The following FMN2 variants were observed in gnomAD, a reference collection of about 807,000 sequenced individuals.
FMN2 encodes formin 2, also known as formin-2.
FMN2 carries 51 observed loss-of-function variants against 142.3 expected under a neutral mutation model. The ratio of observed to expected loss-of-function variants is 0.36; its 90% CI spans 0.29 to 0.45. FMN2 has a LOEUF of 0.45. Among genes scored for constraint, FMN2 ranks in the 20% least tolerant of loss-of-function variants. The pLI is 1.00. For missense variants in FMN2, 1,936 were observed against 2,122.8 expected, an observed-to-expected ratio of 0.91 and a Z score of 1.73; for synonymous variants, 882 against 869.8, an observed-to-expected ratio of 1.01 and a Z score of -0.25.
intron 16 of FMN2, among the ~76,000 whole-genome samples, chr1:240,461,214 T>C (rs1236391353): frequency 6.6e-6 from 1 of 152,242 alleles, no homozygotes; most frequent in Non-Finnish European, 1.5e-5. Flanking sequence ...GTGTCTGGAC[T>C]TGAACTACTA....
chr1:240,343,762 A>G (rs1671815487), intron 13 of FMN2, among the ~76,000 whole-genome samples: 1 of 152,218 alleles, frequency 6.6e-6, no homozygotes, highest in African/African-American at 2.4e-5. Flanking sequence ...CATGATTCAA[A>G]TACTGGCTGA....
At chr1:240,381,847 C>A (rs1444195765) in intron 14 of FMN2, among the ~76,000 whole-genome samples, 2 of 152,204 alleles carry the variant, frequency 1.3e-5, no homozygotes, top group African/African-American at 4.8e-5. Context: ...CCATTTACAA[C>A]AGACTCCCAG....
At chr1:240,409,911 A>G (rs1468029913) in intron 15 of FMN2, among the ~76,000 whole-genome samples, 1 of 152,216 alleles carries the variant, frequency 6.6e-6, no homozygotes. Context: ...GGACATGTAT[A>G]TCTAAGTAAT....
chr1:240,276,939 T>G (rs528658508), intron 7 of FMN2, among the ~76,000 whole-genome samples: 357 of 152,318 alleles, frequency 2.3e-3, no homozygotes, highest in Non-Finnish European at 4.0e-3. Context: ...ACTAGTTCAC[T>G]GGGGAAATTG....
intron 4 of FMN2, among the ~76,000 whole-genome samples, chr1:240,204,166 C>G (rs1666237261): frequency 6.6e-6 from 1 of 151,756 alleles, no homozygotes; most frequent in African/African-American, 2.4e-5. Flanking sequence ...TTAAGGAAAT[C>G]AACCCTTTGT....
At chr1:240,391,254 CAA>C (rs955134874) in intron 14 of FMN2, among the ~76,000 whole-genome samples, 4 of 152,116 alleles carry the variant, frequency 2.6e-5, no homozygotes, top group South Asian at 2.1e-4. Context: ...AAAATCCTGG[CAA>C]AGAGTGGCAA....
chr1:240,288,304 G>A (rs75976829), intron 7 of FMN2, among the ~76,000 whole-genome samples: 1 of 152,216 alleles, frequency 6.6e-6, no homozygotes, highest in Non-Finnish European at 1.5e-5. Context: ...GAAATGATGA[G>A]GTTTAGCTGA....
At chr1:240,374,442 C>T (rs958385078) in intron 14 of FMN2, among the ~76,000 whole-genome samples, 4 of 152,206 alleles carry the variant, frequency 2.6e-5, no homozygotes, top group African/African-American at 9.6e-5. Context: ...AGTGTAGCCA[C>T]CTTCGTCGAT....
At chr1:240,154,439 G>C (rs1204071681) in intron 2 of FMN2, among the ~76,000 whole-genome samples, 1 of 152,132 alleles carries the variant, frequency 6.6e-6, no homozygotes, top group Non-Finnish European at 1.5e-5. Flanking sequence ...CCTGGTTTCT[G>C]CCTCAGAGAT....
chr1:240,433,771 CT>C lies in FMN2; in HGVS notation c.4911-4289del, dbSNP rs113839605. On this transcript the variant is annotated intron_variant, in intron 15 of 17. Transcript: ENST00000319653. ...AGGAGAGATTTCCTGTTGCTTCCCT[CT>C]GCTTCCTCCTATACAGATGATGTTA... 3.5e-4 allele frequency among the ~76,000 whole-genome samples: 53 copies of C among 152,342 alleles called. 1 individual carries two copies. The highest frequency in any genetic ancestry group is 1.3e-3 in the African/African-American group (52 of 41,570).
intron 2 of FMN2, among the ~76,000 whole-genome samples, chr1:240,135,458 C>T (rs1445593931): frequency 5.9e-5 from 9 of 152,038 alleles, no homozygotes; most frequent in African/African-American, 2.2e-4. Context: ...AGTTCCTACT[C>T]GATTTCTTTC....
Position 240,208,618 on chromosome 1 carries a change from G to A in FMN2, c.3806G>A (p.Ser1269Asn). 6.2e-7 allele frequency: 1 copy of A among 1,613,920 alleles called. No homozygotes were observed. The highest frequency in any genetic ancestry group is 1.7e-5 in the Admixed American group (1 of 60,004). Residue 1269 changes from serine to asparagine, a missense_variant, in exon 5 of 18, where the codon AGT becomes AAT. Around this residue, in one of 8 missense-constraint regions of FMN2, gnomAD observed 259 missense variants for 230.9 expected, o/e 1.12. Coordinates refer to ENST00000319653, the MANE Select transcript of FMN2 (RefSeq NM_020066.5). ...VCGFLPPPLP[S>N]GLFGLGMNQD... ...GGATTTCTTCCTCCTCCATTGCCAA[G>A]TGGCTTGTTTGGATTAGGGATGAAT...
At chr1:240,244,206 A>G (rs554367916) in intron 6 of FMN2, among the ~76,000 whole-genome samples, 2 of 152,314 alleles carry the variant, frequency 1.3e-5, no homozygotes, top group African/African-American at 4.8e-5. Flanking sequence ...AGAAAGCAAT[A>G]TGCTCTTTTA....
intron 6 of FMN2, among the ~76,000 whole-genome samples, chr1:240,228,334 A>AAAAG (rs1667411344): frequency 5.5e-5 from 4 of 73,018 alleles, no homozygotes; most frequent in South Asian, 4.5e-4. Context: ...AAAAAAAAAG[A>AAAAG]AAAAGAAAAA....
At chr1:240,292,375 C>G (rs1487235691) in intron 7 of FMN2, among the ~76,000 whole-genome samples, 1 of 152,198 alleles carries the variant, frequency 6.6e-6, no homozygotes, top group Admixed American at 6.5e-5. Context: ...ATCTAGAACT[C>G]TGATCATGGT....
intron 16 of FMN2, among the ~76,000 whole-genome samples, chr1:240,450,067 T>C (rs1356490232): frequency 6.6e-6 from 1 of 152,118 alleles, no homozygotes; most frequent in Non-Finnish European, 1.5e-5. Context: ...TCCCCATTTC[T>C]CATATACTTA....
chr1:240,456,082 A>G (rs1158382169), intron 16 of FMN2, among the ~76,000 whole-genome samples: 1 of 152,044 alleles, frequency 6.6e-6, no homozygotes, highest in East Asian at 1.9e-4. Flanking sequence ...GTCATGTGTC[A>G]TTTTCTACCT....
intron 6 of FMN2, 133 bp from the exon 7 acceptor site, chr1:240,257,812 G>C: frequency 4.2e-6 from 3 of 718,010 alleles, no homozygotes; most frequent in Non-Finnish European, 7.0e-6. Context: ...AAAAAACACT[G>C]TTTTGAATAC....
intron 14 of FMN2, among the ~76,000 whole-genome samples, chr1:240,361,141 GTATATA>G (rs202070560): frequency 0.057 from 2,421 of 42,476 alleles, 43 homozygotes; most frequent in Middle Eastern, 0.17. Flanking sequence ...AAATATATGT[GTATATA>G]TATATATATA....
Sources: gnomAD v4.1 joint callset for allele counts (sites outside exome capture counted in the v4.1 genomes callset) on GRCh38, gnomAD v4.1.1 for gene constraint, gnomAD v4.1.1 regional missense constraint, MANE v1.5 for transcripts, NCBI Gene and HGNC (gene_info 2026-07-23, HGNC 2026-07-21) for gene names.